The following UBIAD1 variants were observed in gnomAD, a reference collection of about 807,000 sequenced individuals.
UBIAD1 encodes UbiA prenyltransferase domain containing 1.
In UBIAD1, 12 loss-of-function variants were observed where a neutral mutation model predicts 20.1. That is an observed-to-expected ratio of 0.60 (90% CI 0.38 to 0.97). The LOEUF is 0.97. Among genes scored for constraint, UBIAD1 ranks in the 50% least tolerant of loss-of-function variants. UBIAD1 has a pLI of 0.00. For missense variants in UBIAD1, 333 were observed against 419.5 expected (o/e 0.79, Z 1.80); for synonymous variants, 207 against 189.2 (o/e 1.09, Z -0.77).
downstream of UBIAD1, among the ~76,000 whole-genome samples, chr1:11,290,415 C>T (rs545522809): frequency 6.6e-6 from 1 of 152,348 alleles, no homozygotes; most frequent in African/African-American, 2.4e-5. Context: ...CATAAAGCCC[C>T]TTCCTGGTGA....
chr1:11,279,540 C>G (rs1373398217), intron 1 of UBIAD1, among the ~76,000 whole-genome samples: 1 of 152,162 alleles, frequency 6.6e-6, no homozygotes, highest in Non-Finnish European at 1.5e-5. Flanking sequence ...TCTCAGCCTC[C>G]CAAGTAGCTG....
At chr1:11,283,182 A>G (rs1264487351) in intron 1 of UBIAD1, among the ~76,000 whole-genome samples, 1 of 152,098 alleles carries the variant, frequency 6.6e-6, no homozygotes, top group Non-Finnish European at 1.5e-5. Flanking sequence ...CTTTTTGCCG[A>G]GTGATCTAAG....
At chr1:11,297,904 TCTG>T (rs143464563), downstream of UBIAD1, among the ~76,000 whole-genome samples, 90 of 152,266 alleles carry the variant, frequency 5.9e-4, 1 homozygote, top group East Asian at 0.016. Context: ...CTGGAAAACA[TCTG>T]ATGTCTGTTT....
At chr1:11,274,286 A>G (rs766013791) in intron 1 of UBIAD1, among the ~76,000 whole-genome samples, 5 of 152,108 alleles carry the variant, frequency 3.3e-5, no homozygotes, top group Non-Finnish European at 7.4e-5. Context: ...ATGGACATTT[A>G]TTTTTATTTA....
intron 1 of UBIAD1, among the ~76,000 whole-genome samples, chr1:11,283,117 C>T (rs764507275): frequency 3.3e-5 from 5 of 152,206 alleles, no homozygotes; most frequent in Admixed American, 6.5e-5. Context: ...CTGCTTCAGC[C>T]TCCCAAAGTG....
At chr1:11,276,669 A>G (rs1652041369) in intron 1 of UBIAD1, among the ~76,000 whole-genome samples, 1 of 152,010 alleles carries the variant, frequency 6.6e-6, no homozygotes, top group South Asian at 2.1e-4. Flanking sequence ...ATCTCAAAAA[A>G]AAAAAAAAAA....
chr1:11,282,041 G>T (rs1042271627), intron 1 of UBIAD1, among the ~76,000 whole-genome samples: 3 of 151,916 alleles, frequency 2.0e-5, no homozygotes, highest in Non-Finnish European at 4.4e-5. Flanking sequence ...TGGCTATTAC[G>T]TCTGAACATT....
In UBIAD1 at chr1:11,277,711, G is replaced by A. The variant is rs143736051; in HGVS notation, c.529+3651G>A. On this transcript the variant is annotated intron_variant, in intron 1 of 1. Coordinates refer to ENST00000376810, the MANE Select transcript of UBIAD1 (RefSeq NM_013319.3). ...TGCCCAGGCTGGAGTACAATGGCACGATCTCGGCTCACCACAACCTCCACC... is the reference window on the plus strand; with the variant it reads ...TGCCCAGGCTGGAGTACAATGGCACAATCTCGGCTCACCACAACCTCCACC... Among the ~76,000 whole-genome samples the A allele has an allele frequency of 1.6e-4, 24 of 152,208 alleles. No individual in the cohort carries two copies. In the East Asian group the frequency reaches 3.7e-3, roughly 23 times the overall value.
chr1:11,294,131 TTAAA>T (rs1310884597), intron 1 of UBIAD1, among the ~76,000 whole-genome samples: 6 of 152,220 alleles, frequency 3.9e-5, no homozygotes, highest in Non-Finnish European at 8.8e-5. Context: ...GTTCTGATGC[TTAAA>T]TACATTCTTT....
chr1:11,284,233 T>C (rs1652334580), intron 1 of UBIAD1, among the ~76,000 whole-genome samples: 1 of 151,994 alleles, frequency 6.6e-6, no homozygotes, highest in African/African-American at 2.4e-5. Context: ...GTCTTTAAAG[T>C]CTTAAAGGGT....
At chr1:11,298,569 AAAATAAAT>A (rs368913011), downstream of UBIAD1, among the ~76,000 whole-genome samples, 747 of 145,040 alleles carry the variant, frequency 5.2e-3, 1 homozygote, top group Admixed American at 7.4e-3. The surrounding 1 kb of genome is among the most constrained non-coding windows in gnomAD (Gnocchi z 4.0). Flanking sequence ...CCTGTCTCCA[AAAATAAAT>A]AAATAAATAA....
chr1:11,276,528 G>C (rs1321890092), intron 1 of UBIAD1, among the ~76,000 whole-genome samples: 1 of 151,758 alleles, frequency 6.6e-6, no homozygotes, highest in African/African-American at 2.4e-5. Context: ...GCCAGGCGTG[G>C]TGGCATGTGC....
intron 1 of UBIAD1, among the ~76,000 whole-genome samples, chr1:11,281,892 C>T (rs545188270): frequency 7.2e-5 from 11 of 152,298 alleles, no homozygotes; most frequent in South Asian, 4.1e-4. Context: ...TTTTGCTCAG[C>T]GTGATGTTTT....
At chr1:11,289,850 C>A, downstream of UBIAD1, among the ~76,000 whole-genome samples, 1 of 152,106 alleles carries the variant, frequency 6.6e-6, no homozygotes, top group East Asian at 1.9e-4. Context: ...CCCACCTTAG[C>A]CTCCTGAGTA....
At chr1:11,294,839 A>G (rs1454507241) in intron 1 of UBIAD1, 4 of 717,406 alleles carry the variant, frequency 5.6e-6, no homozygotes, top group Non-Finnish European at 1.0e-5. Context: ...CTGTCCCCTC[A>G]TCTGTCTGTC....
chr1:11,296,726 C>T (rs1314519119), downstream of UBIAD1, among the ~76,000 whole-genome samples: 2 of 152,172 alleles, frequency 1.3e-5, no homozygotes, highest in Non-Finnish European at 2.9e-5. Flanking sequence ...CACCATGTTG[C>T]CCAGGCTGGT....
intron 1 of UBIAD1, chr1:11,279,499 C>G (rs1002112761): frequency 6.6e-6 from 1 of 152,332 alleles, no homozygotes; most frequent in African/African-American, 2.4e-5. Context: ...TCTCGGCTCA[C>G]TGCAGCCTCT....
chr1:11,290,037 T>C (rs547634940), downstream of UBIAD1, among the ~76,000 whole-genome samples: 1 of 152,286 alleles, frequency 6.6e-6, no homozygotes, highest in East Asian at 1.9e-4. Context: ...GCATAATTTT[T>C]GTATTTTTAG....
At chr1:11,293,048 G>A (rs144573804), downstream of UBIAD1, among the ~76,000 whole-genome samples, 139 of 152,284 alleles carry the variant, frequency 9.1e-4, no homozygotes, top group African/African-American at 3.2e-3. Context: ...GCTTGCAAAC[G>A]GCTTCCTGGG....
Sources: allele counts gnomAD v4.1 joint callset (sites outside exome capture counted in the v4.1 genomes callset), GRCh38; gene constraint gnomAD v4.1.1; non-coding constraint Gnocchi (gnomAD v3.1); transcripts MANE v1.5; gene names NCBI Gene and HGNC (gene_info 2026-07-23, HGNC 2026-07-21).